The following NTM variants were observed in gnomAD, a reference collection of about 807,000 sequenced individuals.
NTM encodes the protein neurotrimin, also known as IgLON family member 2.
NTM carries 13 observed loss-of-function variants against 42.1 expected under a neutral mutation model. The ratio of observed to expected loss-of-function variants is 0.31; its 90% confidence interval spans 0.20 to 0.49. NTM has a LOEUF of 0.49. NTM is among the 20% of genes least tolerant of loss of function. The pLI is 0.99. For missense variants in NTM, 373 were observed against 452.8 expected (o/e 0.82, Z 1.60); for synonymous variants, 187 against 179.2 (o/e 1.04, Z -0.35).
chr11:131,418,970 C>T lies in NTM; in HGVS notation c.82+48082C>T, dbSNP rs766113329. ...GTGGGGAGAGATAATCACCAAGGTA[C>T]GCACTTACAAGACCAGTCTAGAGAC... On this transcript the variant is annotated intron_variant, in intron 1 of 8. Transcript: ENST00000683400. 7.9e-5 allele frequency among the ~76,000 whole-genome samples: 12 copies of T among 152,246 alleles called. No individual in the cohort carries two copies. The East Asian group carries it at 1.7e-3, about 22-fold the overall frequency.
At chr11:132,067,168 C>G (rs1357545434) in intron 2 of NTM, among the ~76,000 whole-genome samples, 1 of 152,172 alleles carries the variant, frequency 6.6e-6, no homozygotes, top group Non-Finnish European at 1.5e-5. Context: ...GTTGCTCATG[C>G]TGGTCTTAAG....
chr11:131,902,330 T>TA (rs777203694), intron 1 of NTM, among the ~76,000 whole-genome samples: 3 of 152,216 alleles, frequency 2.0e-5, no homozygotes, highest in Non-Finnish European at 4.4e-5. Context: ...TTTATCTTCT[T>TA]AAAATGTGTG....
chr11:131,371,179 G>C, intron 1 of NTM: 2 of 794,272 alleles, frequency 2.5e-6, no homozygotes, highest in Non-Finnish European at 1.5e-6. Flanking sequence ...GCACATTCTT[G>C]CACACATACA....
At chr11:131,388,611 G>A (rs1019763761) in intron 1 of NTM, among the ~76,000 whole-genome samples, 4 of 152,054 alleles carry the variant, frequency 2.6e-5, no homozygotes, top group Non-Finnish European at 5.9e-5. Context: ...ATAGGAATGT[G>A]TATGAGTTGG....
At chr11:132,175,573 T>TA (rs914667069) in intron 3 of NTM, among the ~76,000 whole-genome samples, 11 of 151,728 alleles carry the variant, frequency 7.2e-5, no homozygotes, top group East Asian at 3.9e-4. Flanking sequence ...ATTCTCAGAC[T>TA]AAAAAAATCC....
At chr11:131,693,424 T>C (rs1357048359) in intron 1 of NTM, among the ~76,000 whole-genome samples, 1 of 152,154 alleles carries the variant, frequency 6.6e-6, no homozygotes, top group African/African-American at 2.4e-5. Flanking sequence ...GGATAAGTCT[T>C]GCAAAAAGTT....
At chr11:131,390,626 A>G (rs1230313366) in intron 1 of NTM, among the ~76,000 whole-genome samples, 1 of 152,170 alleles carries the variant, frequency 6.6e-6, no homozygotes, top group Admixed American at 6.5e-5. Flanking sequence ...TGGGCTAGAA[A>G]GAAGAAAGTG....
intron 1 of NTM, among the ~76,000 whole-genome samples, chr11:131,645,101 A>C (rs1029263219): frequency 3.9e-5 from 6 of 152,204 alleles, no homozygotes; most frequent in African/African-American, 1.4e-4. Context: ...TTTTAAGTGC[A>C]TTATTTATAG....
At chr11:131,913,173 C>A (rs543989881) in intron 2 of NTM, among the ~76,000 whole-genome samples, 15 of 152,284 alleles carry the variant, frequency 9.9e-5, no homozygotes, top group Admixed American at 4.6e-4. Flanking sequence ...AAATAAAAAA[C>A]CAAAAATAAA....
chr11:131,639,860 G>A (rs2134212530), intron 1 of NTM, among the ~76,000 whole-genome samples: 1 of 152,220 alleles, frequency 6.6e-6, no homozygotes, highest in East Asian at 1.9e-4. Flanking sequence ...AGAGGCTGAG[G>A]CAGGAGAATC....
chr11:131,802,127 C>T (rs1317239715), intron 1 of NTM, among the ~76,000 whole-genome samples: 1 of 152,126 alleles, frequency 6.6e-6, no homozygotes, highest in Non-Finnish European at 1.5e-5. Flanking sequence ...CTGAAGTTTT[C>T]CATCTTTCAA....
At chr11:132,330,028 G>A in intron 7 of NTM, 125 bp from the exon 8 acceptor site, 2 of 1,456,906 alleles carry the variant, frequency 1.4e-6, no homozygotes, top group South Asian at 1.4e-5. Flanking sequence ...AAGGGACATG[G>A]GCAAGAGGCG....
intron 3 of NTM, among the ~76,000 whole-genome samples, chr11:132,210,500 T>G (rs2082664634): frequency 6.6e-6 from 1 of 152,222 alleles, no homozygotes; most frequent in Admixed American, 6.5e-5. Flanking sequence ...CATGGCCTAG[T>G]GGGTGATGCT....
intron 1 of NTM, among the ~76,000 whole-genome samples, chr11:131,403,665 A>G (rs1945489329): frequency 6.6e-6 from 1 of 152,180 alleles, no homozygotes; most frequent in Admixed American, 6.5e-5. Context: ...CTTTCTTCAG[A>G]GACATCTAAT....
At chr11:132,319,548 C>A (rs1374435260) in intron 7 of NTM, among the ~76,000 whole-genome samples, 1 of 152,220 alleles carries the variant, frequency 6.6e-6, no homozygotes, top group East Asian at 1.9e-4. Flanking sequence ...AATCAAACTG[C>A]AAGGCAGCAG....
intron 3 of NTM, among the ~76,000 whole-genome samples, chr11:132,194,418 C>T (rs1436278250): frequency 6.6e-6 from 1 of 152,014 alleles, no homozygotes; most frequent in Non-Finnish European, 1.5e-5. Context: ...TTCAACATTC[C>T]TTCATGTTAA....
intron 3 of NTM, among the ~76,000 whole-genome samples, chr11:132,156,839 C>T (rs1161555802): frequency 6.6e-6 from 1 of 152,000 alleles, no homozygotes; most frequent in Non-Finnish European, 1.5e-5. Context: ...TGTCCTGGGC[C>T]CTAAATGCAA....
chr11:131,590,759 T>A (rs1012416343), intron 1 of NTM, among the ~76,000 whole-genome samples: 3 of 152,200 alleles, frequency 2.0e-5, no homozygotes, highest in African/African-American at 7.2e-5. Flanking sequence ...GTAACGGGCT[T>A]CCTAAGAGAA....
chr11:131,760,047 G>C (rs1431270242), intron 1 of NTM, among the ~76,000 whole-genome samples: 1 of 152,124 alleles, frequency 6.6e-6, no homozygotes, highest in Non-Finnish European at 1.5e-5. Flanking sequence ...GAGGGAAAAT[G>C]GTGTTTGGGA....
Sources: gnomAD v4.1 joint callset for allele counts (sites outside exome capture counted in the v4.1 genomes callset) on GRCh38, gnomAD v4.1.1 for gene constraint, MANE v1.5 for transcripts, NCBI Gene and HGNC (gene_info 2026-07-23, HGNC 2026-07-21) for gene names.